CTNNA2: variants seen among roughly 807,000 people sequenced by gnomAD.
CTNNA2 encodes catenin alpha 2, also known as catenin alpha-2.
CTNNA2 carries 42 observed loss-of-function variants against 101.0 expected under a neutral mutation model. That is an observed-to-expected ratio of 0.42 (90% CI 0.32 to 0.54). CTNNA2 has a LOEUF of 0.54. CTNNA2 is among the 20% of genes least tolerant of loss of function. The pLI is 0.14. For synonymous variants in CTNNA2, 450 were observed against 456.4 expected (o/e 0.99, Z 0.18); for missense variants, 871 against 1,223.1 (o/e 0.71, Z 4.29).
chr2:79,364,874 T>C (rs1051640941), intron 3 of CTNNA2, among the ~76,000 whole-genome samples: 1 of 152,250 alleles, frequency 6.6e-6, no homozygotes, highest in Non-Finnish European at 1.5e-5. Context: ...AAATTTTGTA[T>C]ATTTTTTGTT....
At chr2:79,227,436 T>C (rs1368957) in intron 2 of CTNNA2, among the ~76,000 whole-genome samples, 7,293 of 152,260 alleles carry the variant, frequency 0.048, 254 homozygotes, top group Middle Eastern at 0.14. Flanking sequence ...GTATTTACAA[T>C]GTTAGTGAGA....
intron 15 of CTNNA2, among the ~76,000 whole-genome samples, chr2:80,595,411 T>C (rs1696869310): frequency 6.6e-6 from 1 of 152,180 alleles, no homozygotes; most frequent in African/African-American, 2.4e-5. Flanking sequence ...TCATGTCACC[T>C]GTTAACAGAG....
intron 7 of CTNNA2, among the ~76,000 whole-genome samples, chr2:80,390,964 T>C (rs774635117): frequency 3.3e-5 from 5 of 151,926 alleles, no homozygotes; most frequent in Non-Finnish European, 5.9e-5. Flanking sequence ...ATCCTGTCTC[T>C]ACTAAAAATA....
chr2:79,874,806 C>T (rs907607028), intron 6 of CTNNA2, among the ~76,000 whole-genome samples: 5 of 152,074 alleles, frequency 3.3e-5, no homozygotes, highest in African/African-American at 7.2e-5. Context: ...AAAACTCCGT[C>T]TCGGGGAAAA....
chr2:79,344,842 C>A (rs1677222356), intron 3 of CTNNA2, among the ~76,000 whole-genome samples: 1 of 143,670 alleles, frequency 7.0e-6, no homozygotes, highest in African/African-American at 2.6e-5. Context: ...ATATATAATA[C>A]AAATATTATA....
At chr2:80,504,563 A>G (rs761594637) in intron 9 of CTNNA2, among the ~76,000 whole-genome samples, 7 of 152,262 alleles carry the variant, frequency 4.6e-5, no homozygotes, top group Non-Finnish European at 7.4e-5. Flanking sequence ...AATTTTGTCT[A>G]CAACATGAAT....
At chr2:80,032,094 T>C (rs1464732029) in intron 7 of CTNNA2, among the ~76,000 whole-genome samples, 1 of 152,196 alleles carries the variant, frequency 6.6e-6, no homozygotes. Context: ...CTCCATGAAG[T>C]TTATAGCTTT....
At chr2:79,957,462 C>G (rs1689318618) in intron 7 of CTNNA2, among the ~76,000 whole-genome samples, 1 of 152,154 alleles carries the variant, frequency 6.6e-6, no homozygotes, top group Non-Finnish European at 1.5e-5. Flanking sequence ...CTGCTCTGGG[C>G]TGTGTATTCT....
rs373181208 is a variant in CTNNA2 at position 79,459,054 on chromosome 2, C to T, written c.-134-46000C>T. On this transcript the variant is annotated intron_variant, in intron 4 of 21. Coordinates refer to the CTNNA2 transcript ENST00000466387. The stretch of plus-strand genomic sequence containing the variant: ...AATGCATTAACAGTACTAGTAAAAC[C>T]TGATAGAATTTAAAATATGATTACA... 1.6e-3 allele frequency among the ~76,000 whole-genome samples: 239 copies of T among 152,178 alleles called. 7 individuals are homozygous for T. In the South Asian group the frequency reaches 0.048, roughly 31 times the overall value.
chr2:80,164,463 T>C (rs1704530652), intron 7 of CTNNA2, among the ~76,000 whole-genome samples: 1 of 152,110 alleles, frequency 6.6e-6, no homozygotes, highest in Non-Finnish European at 1.5e-5. Flanking sequence ...TTTATAGTTA[T>C]TGTCAATATT....
intron 2 of CTNNA2, among the ~76,000 whole-genome samples, chr2:79,705,465 A>G (rs550333034): frequency 6.6e-6 from 1 of 152,304 alleles, no homozygotes; most frequent in East Asian, 1.9e-4. Flanking sequence ...AAAAAACAGT[A>G]TACATAGGGT....
chr2:79,533,918 C>T (rs911384434), intron 1 of CTNNA2, among the ~76,000 whole-genome samples: 2 of 152,082 alleles, frequency 1.3e-5, no homozygotes, highest in African/African-American at 4.8e-5. Context: ...CTCTCCTGCT[C>T]GGCCTTGCTG....
intron 3 of CTNNA2, among the ~76,000 whole-genome samples, chr2:79,835,340 G>A (rs916796295): frequency 1.3e-5 from 2 of 152,112 alleles, no homozygotes; most frequent in East Asian, 1.9e-4. Context: ...ATTTTAAATA[G>A]CAATGAAATG....
intron 9 of CTNNA2, among the ~76,000 whole-genome samples, chr2:80,506,595 A>C (rs759339127): frequency 2.0e-4 from 30 of 152,182 alleles, no homozygotes; most frequent in Non-Finnish European, 3.2e-4. Flanking sequence ...GTCAGGGCAG[A>C]GTTAAAGATA....
In CTNNA2 at chr2:79,317,700, G is replaced by A. The variant is rs146456019; in HGVS notation, c.-318+4904G>A. Among the ~76,000 whole-genome samples, 28 of 152,150 alleles carry A rather than the reference G, an allele frequency of 1.8e-4. 1 individual carries two copies. In the East Asian group the frequency reaches 5.2e-3, roughly 28 times the overall value. ...ATATATTTGGTTGGAAATAGAGCAGGCTGATCATTTGTTTTGCCTTCATTC... is the reference window on the plus strand; with the variant it reads ...ATATATTTGGTTGGAAATAGAGCAGACTGATCATTTGTTTTGCCTTCATTC... On this transcript the variant is annotated intron_variant, in intron 3 of 21. Coordinates refer to the CTNNA2 transcript ENST00000466387.
chr2:80,117,488 A>G (rs867398648), intron 7 of CTNNA2, among the ~76,000 whole-genome samples: 3 of 36,722 alleles, frequency 8.2e-5, no homozygotes, highest in Admixed American at 5.4e-4. Context: ...GTGTGTGTGT[A>G]CAATGTGTCC....
intron 6 of CTNNA2, among the ~76,000 whole-genome samples, chr2:79,888,241 T>C (rs1260899271): frequency 6.6e-6 from 1 of 152,156 alleles, no homozygotes; most frequent in East Asian, 1.9e-4. Context: ...TCAAGGCTGG[T>C]TCTGCTGGGT....
intron 9 of CTNNA2, among the ~76,000 whole-genome samples, chr2:80,508,062 GT>G (rs1688412291): frequency 6.6e-6 from 1 of 152,180 alleles, no homozygotes; most frequent in Non-Finnish European, 1.5e-5. Flanking sequence ...GATGGCCTCA[GT>G]TTTGCTTTCA....
In CTNNA2 at chr2:79,242,969, AATAT is replaced by A. The variant is rs137898899; in HGVS notation, c.-406+44915_-406+44918del. Reference sequence around the variant, plus strand: ...GCAACAAAGTAAGATCCTGTCTCGAAATATATATATATATATATATATATACACA... The same window carrying A: ...GCAACAAAGTAAGATCCTGTCTCGAAATATATATATATATATATATACACA... On this transcript the variant is annotated intron_variant, in intron 2 of 21. Coordinates refer to the CTNNA2 transcript ENST00000466387. Among the ~76,000 whole-genome samples the A allele has an allele frequency of 4.4e-3, 556 of 127,306 alleles. 6 individuals carry two copies. The highest frequency in any genetic ancestry group is 0.019 in the Middle Eastern group (4 of 208). 83.5% of individuals were successfully genotyped at this position (127,306 alleles called of 152,430 possible). A position where few individuals can be genotyped will look rare whatever the true frequency, so the allele number is the denominator to read the frequency against.
Sources: allele counts gnomAD v4.1 joint callset (sites outside exome capture counted in the v4.1 genomes callset), GRCh38; gene constraint gnomAD v4.1.1; transcripts MANE v1.5; gene names NCBI Gene and HGNC (gene_info 2026-07-23, HGNC 2026-07-21).